Variants in HCN1 observed in about 807,000 individuals in gnomAD.
HCN1 encodes potassium/sodium hyperpolarization-activated cyclic nucleotide-gated channel 1.
A neutral mutation model predicts 78.9 loss-of-function variants in HCN1; 13 were observed. The observed-to-expected ratio is 0.16, with a 90% confidence interval of 0.11 to 0.26. HCN1 has a LOEUF of 0.26. Ranked by LOEUF, HCN1 falls within the 10% of genes least tolerant of loss-of-function variation. The pLI is 1.00. For synonymous variants in HCN1, 552 were observed against 455.5 expected, an observed-to-expected ratio of 1.21 and a Z score of -2.70; for missense variants, 810 against 1,154.3, an observed-to-expected ratio of 0.70 and a Z score of 4.32.
intron 3 of HCN1, among the ~76,000 whole-genome samples, chr5:45,454,737 C>T (rs1365992459): frequency 2.0e-5 from 3 of 151,888 alleles, no homozygotes; most frequent in Non-Finnish European, 4.4e-5. Flanking sequence ...GCTCTGTAAA[C>T]AAAAAGTGAA....
chr5:45,593,398 G>A (rs1456310731), intron 2 of HCN1, among the ~76,000 whole-genome samples: 1 of 151,054 alleles, frequency 6.6e-6, no homozygotes, highest in Non-Finnish European at 1.5e-5. Flanking sequence ...AGGACACAGT[G>A]TGCTACATTT....
chr5:45,552,749 T>A (rs1000131806), intron 2 of HCN1, among the ~76,000 whole-genome samples: 5 of 151,928 alleles, frequency 3.3e-5, no homozygotes, highest in African/African-American at 9.7e-5. Flanking sequence ...AGGAGGGTCA[T>A]TACAAATTTT....
chr5:45,280,843 A>C (rs1373968151), intron 6 of HCN1, among the ~76,000 whole-genome samples: 1 of 152,200 alleles, frequency 6.6e-6, no homozygotes, highest in Non-Finnish European at 1.5e-5. Context: ...GCAAATGCTA[A>C]TCACTTTGTT....
At chr5:45,484,447 C>T (rs1005614670) in intron 2 of HCN1, among the ~76,000 whole-genome samples, 8 of 151,900 alleles carry the variant, frequency 5.3e-5, no homozygotes, top group Non-Finnish European at 1.2e-4. Flanking sequence ...AAAAAAAATC[C>T]GTCTAAATAT....
At chr5:45,672,272 G>GA (rs1290401576) in intron 1 of HCN1, among the ~76,000 whole-genome samples, 1 of 151,466 alleles carries the variant, frequency 6.6e-6, no homozygotes, top group Non-Finnish European at 1.5e-5. Context: ...TATTTATGCA[G>GA]AAAATACTAG....
intron 6 of HCN1, among the ~76,000 whole-genome samples, chr5:45,286,372 C>T (rs1174737530): frequency 6.6e-6 from 1 of 152,030 alleles, no homozygotes; most frequent in East Asian, 1.9e-4. Flanking sequence ...AGGCTGGAAG[C>T]ATTGGAGATT....
At chr5:45,372,577 T>C (rs1298930245) in intron 4 of HCN1, among the ~76,000 whole-genome samples, 1 of 127,010 alleles carries the variant, frequency 7.9e-6, no homozygotes, top group East Asian at 2.3e-4. Context: ...TATAAAAATA[T>C]ATAAAACATT....
intron 2 of HCN1, among the ~76,000 whole-genome samples, chr5:45,565,316 T>C (rs140259559): frequency 2.1e-4 from 32 of 152,310 alleles, no homozygotes; most frequent in Admixed American, 1.3e-3. Context: ...TCCTAGTGCA[T>C]AGCAGGCTCA....
At chr5:45,319,536 T>C (rs953849168) in intron 5 of HCN1, among the ~76,000 whole-genome samples, 2 of 151,800 alleles carry the variant, frequency 1.3e-5, no homozygotes, top group South Asian at 2.1e-4. Flanking sequence ...CAGTAAAGAG[T>C]TTCCCCCTTT....
intron 2 of HCN1, among the ~76,000 whole-genome samples, chr5:45,525,641 C>T (rs1742722677): frequency 6.6e-6 from 1 of 151,760 alleles, no homozygotes; most frequent in African/African-American, 2.4e-5. Context: ...TTCAAGTAAA[C>T]ATTATTGCTC....
At chr5:45,544,073 C>A (rs540903507) in intron 2 of HCN1, among the ~76,000 whole-genome samples, 69 of 152,088 alleles carry the variant, frequency 4.5e-4, no homozygotes, top group African/African-American at 1.6e-3. Context: ...TTGTTTAAAA[C>A]AAAGGGCATC....
intron 5 of HCN1, among the ~76,000 whole-genome samples, chr5:45,350,003 A>C (rs373235169): frequency 6.6e-6 from 1 of 152,200 alleles, no homozygotes. Flanking sequence ...AAAAAGAGGG[A>C]ATCCTCCCTA....
intron 1 of HCN1, among the ~76,000 whole-genome samples, chr5:45,652,519 T>C (rs1263393484): frequency 6.6e-6 from 1 of 152,008 alleles, no homozygotes; most frequent in East Asian, 1.9e-4. Context: ...CTCCACAGGT[T>C]TAACTAATAT....
At chr5:45,549,541 A>T (rs1047883062) in intron 2 of HCN1, among the ~76,000 whole-genome samples, 14 of 152,166 alleles carry the variant, frequency 9.2e-5, no homozygotes, top group Non-Finnish European at 1.8e-4. Context: ...AACCATAAAA[A>T]CCCTAGAAGA....
intron 2 of HCN1, among the ~76,000 whole-genome samples, chr5:45,505,323 T>C (rs1742276940): frequency 2.0e-5 from 3 of 152,196 alleles, no homozygotes; most frequent in Non-Finnish European, 2.9e-5. Context: ...TACATATGGC[T>C]AGCCAGTTTT....
intron 4 of HCN1, among the ~76,000 whole-genome samples, chr5:45,371,882 A>C (rs1449943130): frequency 1.0e-5 from 1 of 98,512 alleles, no homozygotes; most frequent in Non-Finnish European, 1.7e-5. Context: ...TTATATATGA[A>C]ATAAATATAA....
intron 2 of HCN1, among the ~76,000 whole-genome samples, chr5:45,524,841 C>T (rs931259167): frequency 7.2e-5 from 11 of 152,084 alleles, no homozygotes; most frequent in African/African-American, 2.7e-4. Context: ...TAATTGAATA[C>T]CCTTTATTTC....
intron 2 of HCN1, among the ~76,000 whole-genome samples, chr5:45,502,015 G>A (rs985973381): frequency 6.6e-6 from 1 of 152,012 alleles, no homozygotes; most frequent in Non-Finnish European, 1.5e-5. Context: ...TCAATCTCAG[G>A]ACAACTGTAC....
chr5:45,356,645 CTAGTGTTAATTCTTACCT>C (rs1174915725), intron 4 of HCN1, among the ~76,000 whole-genome samples: 1 of 151,972 alleles, frequency 6.6e-6, no homozygotes, highest in Non-Finnish European at 1.5e-5. Flanking sequence ...AGCTGTGTCA[CTAGTGTTAATTCTTACCT>C]TAGTTGCTTT....
Sources: gnomAD v4.1 joint callset for allele counts (sites outside exome capture counted in the v4.1 genomes callset) on GRCh38, gnomAD v4.1.1 for gene constraint, MANE v1.5 for transcripts, NCBI Gene and HGNC (gene_info 2026-07-23, HGNC 2026-07-21) for gene names.